DLGAP1: variants seen among roughly 807,000 people sequenced by gnomAD.
DLGAP1 encodes DLG associated protein 1, also known as disks large-associated protein 1.
In DLGAP1, 11 loss-of-function variants were observed where a neutral mutation model predicts 90.8. The ratio of observed to expected loss-of-function variants is 0.12; its 90% CI spans 0.08 to 0.20. DLGAP1 has a LOEUF of 0.20. DLGAP1 is among the 10% of genes least tolerant of loss of function. The pLI is 1.00. For synonymous variants in DLGAP1, 558 were observed against 540.7 expected, an observed-to-expected ratio of 1.03 and a Z score of -0.44; for missense variants, 1,050 against 1,333.8, an observed-to-expected ratio of 0.79 and a Z score of 3.31.
chr18:3,621,579 C>T (rs771523023), intron 7 of DLGAP1, among the ~76,000 whole-genome samples: 10 of 152,208 alleles, frequency 6.6e-5, no homozygotes, highest in South Asian at 2.1e-4. Context: ...ATAAGGCAAA[C>T]GCCAAGCTGT....
chr18:4,129,748 C>G (rs1190625934), intron 2 of DLGAP1, among the ~76,000 whole-genome samples: 1 of 152,126 alleles, frequency 6.6e-6, no homozygotes, highest in Admixed American at 6.6e-5. Flanking sequence ...GGGATTCTGT[C>G]TACAGCTGTG....
chr18:3,687,015 G>T (rs1237488587), intron 7 of DLGAP1, among the ~76,000 whole-genome samples: 1 of 152,136 alleles, frequency 6.6e-6, no homozygotes, highest in African/African-American at 2.4e-5. Context: ...GTGAACCATT[G>T]CTGGCTTTGA....
At chr18:3,895,308 C>CACAG (rs1023161409) in intron 3 of DLGAP1, among the ~76,000 whole-genome samples, 2 of 150,940 alleles carry the variant, frequency 1.3e-5, no homozygotes, top group African/African-American at 4.9e-5. Context: ...CACACACACA[C>CACAG]ACACACACAC....
chr18:3,642,469 G>A (rs1313323505), intron 7 of DLGAP1, among the ~76,000 whole-genome samples: 1 of 152,164 alleles, frequency 6.6e-6, no homozygotes. Flanking sequence ...AGTTTAAACT[G>A]CTTTTAGCCC....
chr18:3,801,310 G>A (rs2066278253), intron 5 of DLGAP1, among the ~76,000 whole-genome samples: 1 of 152,146 alleles, frequency 6.6e-6, no homozygotes, highest in Non-Finnish European at 1.5e-5. Flanking sequence ...TTGATTTTTG[G>A]TGTCCTTATT....
intron 2 of DLGAP1, among the ~76,000 whole-genome samples, chr18:4,117,458 T>C (rs552408650): frequency 1.9e-4 from 29 of 152,338 alleles, no homozygotes; most frequent in African/African-American, 6.7e-4. Flanking sequence ...GGCCAATTTA[T>C]TTACGCTTTG....
chr18:4,051,332 CAT>C (rs1335206783), intron 2 of DLGAP1, among the ~76,000 whole-genome samples: 4 of 152,174 alleles, frequency 2.6e-5, no homozygotes, highest in African/African-American at 9.7e-5. Context: ...TTAATTGACT[CAT>C]AGTTCAGCAT....
At chr18:4,209,049 G>T (rs893077640) in intron 1 of DLGAP1, among the ~76,000 whole-genome samples, 5 of 152,174 alleles carry the variant, frequency 3.3e-5, no homozygotes, top group African/African-American at 9.6e-5. Flanking sequence ...GTGGAAAGCT[G>T]CTCCCTTCAT....
intron 5 of DLGAP1, among the ~76,000 whole-genome samples, chr18:3,790,969 C>T (rs1041454217): frequency 1.4e-4 from 21 of 152,286 alleles, no homozygotes; most frequent in Middle Eastern, 3.4e-3. Context: ...AGGCTACTTT[C>T]GCTTCATTAA....
chr18:4,194,669 A>G (rs1389799371), intron 1 of DLGAP1, among the ~76,000 whole-genome samples: 3 of 152,232 alleles, frequency 2.0e-5, no homozygotes, highest in Non-Finnish European at 4.4e-5. Context: ...CTACATAGTT[A>G]TTTTGAATTA....
chr18:3,933,575 T>A (rs1024691855), intron 3 of DLGAP1, among the ~76,000 whole-genome samples: 4 of 152,222 alleles, frequency 2.6e-5, no homozygotes, highest in African/African-American at 9.6e-5. Context: ...TAGGTTTGCA[T>A]CTGAGAGCAG....
At chr18:4,174,784 T>C (rs1483851438) in intron 1 of DLGAP1, among the ~76,000 whole-genome samples, 1 of 152,160 alleles carries the variant, frequency 6.6e-6, no homozygotes, top group African/African-American at 2.4e-5. Flanking sequence ...CAACTGGCCC[T>C]GGTGTGTGTG....
intron 1 of DLGAP1, among the ~76,000 whole-genome samples, chr18:4,389,605 A>C (rs1257237946): frequency 6.6e-6 from 1 of 152,224 alleles, no homozygotes; most frequent in Non-Finnish European, 1.5e-5. Context: ...ATGATTGGTT[A>C]AATTAAATGA....
At chr18:3,595,790 T>TG (rs11383217) in intron 7 of DLGAP1, among the ~76,000 whole-genome samples, 23,349 of 124,788 alleles carry the variant, frequency 0.19, 1,891 homozygotes, top group East Asian at 0.28. Flanking sequence ...TGTACACAAG[T>TG]GACTGCCCTG....
intron 7 of DLGAP1, among the ~76,000 whole-genome samples, chr18:3,599,918 AT>A (rs775592401): frequency 0.038 from 5,365 of 142,306 alleles, 226 homozygotes; most frequent in East Asian, 0.2. Context: ...TTCCCAGCCA[AT>A]TTTTTTTTTT....
intron 10 of DLGAP1, among the ~76,000 whole-genome samples, chr18:3,528,475 G>A (rs753104004): frequency 6.6e-6 from 1 of 152,192 alleles, no homozygotes; most frequent in African/African-American, 2.4e-5. Context: ...GGGCTTTAAG[G>A]AGGACAGTGC....
intron 1 of DLGAP1, chr18:4,431,243 A>G (rs1433158516): frequency 6.6e-6 from 1 of 152,230 alleles, no homozygotes; most frequent in Admixed American, 6.5e-5. Flanking sequence ...TCTTCTTTGG[A>G]TTTCATGATA....
rs112381157 is a variant in DLGAP1 at position 4,398,173 on chromosome 18, G to A, written c.-267+56833C>T. Among the ~76,000 whole-genome samples, 853 of 152,150 alleles carry A rather than the reference G, an allele frequency of 5.6e-3. 7 individuals are homozygous for A. Among genetic ancestry groups the A allele is most frequent in the African/African-American group, 0.02 (820 of 41,506 alleles). On this transcript the variant is annotated intron_variant, in intron 1 of 12. Coordinates refer to ENST00000315677, the MANE Select transcript of DLGAP1 (RefSeq NM_004746.4). ...CAGGCCACATAAAATCACATGAGGA[G>A]ATAAGGCATATCTATGAAAAGCAAA... is the stretch of plus-strand genomic sequence containing the variant.
intron 4 of DLGAP1, chr18:3,821,825 T>G: frequency 1.2e-6 from 1 of 835,174 alleles, no homozygotes; most frequent in South Asian, 5.4e-5. Context: ...TACAACTTTT[T>G]AGAGAAATGG....
Sources: gnomAD v4.1 joint callset for allele counts (sites outside exome capture counted in the v4.1 genomes callset) on GRCh38, gnomAD v4.1.1 for gene constraint, MANE v1.5 for transcripts, NCBI Gene and HGNC (gene_info 2026-07-23, HGNC 2026-07-21) for gene names.